Variants in BLTP3B observed in about 807,000 individuals in gnomAD.
The protein encoded by BLTP3B is bridge-like lipid transfer protein family member 3B.
the BLTP3B span, among the ~76,000 whole-genome samples, chr12:100,101,524 A>C: frequency 2.0e-5 from 3 of 152,226 alleles, no homozygotes; most frequent in African/African-American, 7.2e-5. Flanking sequence ...AATCTATGTC[A>C]ACAATTAATG....
chr12:100,057,562 T>A, the BLTP3B span: 1 of 1,600,914 alleles, frequency 6.2e-7, no homozygotes, highest in Non-Finnish European at 8.5e-7. Flanking sequence ...AGCCGTATCA[T>A]AACTTTACCT....
At chr12:100,061,781 A>C in the BLTP3B span, among the ~76,000 whole-genome samples, 2,573 of 152,238 alleles carry the variant, frequency 0.017, 21 homozygotes, top group Non-Finnish European at 0.021. Context: ...ATATTCTGAT[A>C]TCACGAAGGG....
At chr12:100,087,158 CAAAAAAAAAAAA>C in the BLTP3B span, among the ~76,000 whole-genome samples, 5 of 59,856 alleles carry the variant, frequency 8.4e-5, no homozygotes, top group Non-Finnish European at 1.6e-4. Flanking sequence ...GACTCCATCT[CAAAAAAAAAAAA>C]AAAAAAAAAA....
the BLTP3B span, among the ~76,000 whole-genome samples, chr12:100,107,116 C>T: frequency 7.8e-4 from 119 of 151,734 alleles, 1 homozygote; most frequent in East Asian, 0.016. Context: ...GATGAAACCC[C>T]ATCTCTACTA....
the BLTP3B span, chr12:100,102,994 T>TG: frequency 1.9e-6 from 1 of 525,144 alleles, no homozygotes; most frequent in Non-Finnish European, 3.1e-6. Context: ...TAAGTGCCTC[T>TG]CTACAGGTCT....
At chr12:100,056,746 G>A in the BLTP3B span, among the ~76,000 whole-genome samples, 1 of 151,656 alleles carries the variant, frequency 6.6e-6, no homozygotes, top group Non-Finnish European at 1.5e-5. Context: ...GCTGAGGCAG[G>A]AGAACTGCTT....
the BLTP3B span, chr12:100,088,810 A>G: frequency 2.2e-6 from 2 of 926,052 alleles, no homozygotes. Flanking sequence ...CAATTATGAC[A>G]AATTATCTTA....
the BLTP3B span, chr12:100,104,072 T>C: frequency 3.3e-6 from 2 of 603,264 alleles, no homozygotes; most frequent in Admixed American, 7.3e-5. Context: ...AAATCACTTT[T>C]CTTAAACTAC....
chr12:100,081,240 C>T, the BLTP3B span, among the ~76,000 whole-genome samples: 1 of 152,192 alleles, frequency 6.6e-6, no homozygotes, highest in Non-Finnish European at 1.5e-5. Context: ...AAAAAAGACT[C>T]TGCCTTATGC....
chr12:100,085,132 ATAGT>A, the BLTP3B span, among the ~76,000 whole-genome samples: 1 of 152,244 alleles, frequency 6.6e-6, no homozygotes, highest in Non-Finnish European at 1.5e-5. Context: ...GTACTCAGCC[ATAGT>A]TAGTTTTTGG....
the BLTP3B span, among the ~76,000 whole-genome samples, chr12:100,129,869 G>T: frequency 6.6e-6 from 1 of 152,168 alleles, no homozygotes; most frequent in African/African-American, 2.4e-5. Flanking sequence ...CTGGATATTT[G>T]CCTTAAATAT....
At chr12:100,107,353 A>AATG in the BLTP3B span, among the ~76,000 whole-genome samples, 1 of 149,656 alleles carries the variant, frequency 6.7e-6, no homozygotes, top group African/African-American at 2.5e-5. Context: ...TAATAATAGG[A>AATG]ATGATACTAA....
At chr12:100,136,198 G>A in the BLTP3B span, among the ~76,000 whole-genome samples, 11 of 140,436 alleles carry the variant, frequency 7.8e-5, no homozygotes, top group South Asian at 1.8e-3. Flanking sequence ...GCAACATAGC[G>A]AGACTCTGTC....
At chr12:100,130,609 C>T in the BLTP3B span, among the ~76,000 whole-genome samples, 1 of 152,038 alleles carries the variant, frequency 6.6e-6, no homozygotes, top group African/African-American at 2.4e-5. Flanking sequence ...TATAAAGTTG[C>T]AGCACAGCAA....
the BLTP3B span, chr12:100,103,994 G>T: frequency 2.7e-6 from 4 of 1,474,390 alleles, no homozygotes; most frequent in South Asian, 1.2e-5. Flanking sequence ...TCATTAAGAA[G>T]AAAATAATGT....
chr12:100,053,661 C>G, the BLTP3B span, among the ~76,000 whole-genome samples: 1,102 of 152,100 alleles, frequency 7.2e-3, 12 homozygotes, highest in African/African-American at 0.025. Context: ...TAGATAAAAG[C>G]CTGGAAGCAT....
At chr12:100,092,860 T>C in the BLTP3B span, 1 of 972,864 alleles carries the variant, frequency 1.0e-6, no homozygotes, top group Admixed American at 6.2e-5. Context: ...TCTCCTGTAC[T>C]TCTTTCCTTA....
At chr12:100,136,102 T>TC in the BLTP3B span, among the ~76,000 whole-genome samples, 4 of 151,550 alleles carry the variant, frequency 2.6e-5, no homozygotes, top group Non-Finnish European at 2.9e-5. Context: ...TCCCAGCTAC[T>TC]CAGGAGGCTA....
chr12:100,048,957 C>T, the BLTP3B span, among the ~76,000 whole-genome samples: 1 of 151,968 alleles, frequency 6.6e-6, no homozygotes, highest in African/African-American at 2.4e-5. Context: ...CCTAGTGAAA[C>T]CCCTGAAGTA....
Sources: gnomAD v4.1 joint callset for allele counts (sites outside exome capture counted in the v4.1 genomes callset) on GRCh38, gnomAD v4.1.1 for gene constraint, MANE v1.5 for transcripts, NCBI Gene and HGNC (gene_info 2026-07-23, HGNC 2026-07-21) for gene names.